BANK1: variants seen among roughly 807,000 people sequenced by gnomAD.
BANK1 encodes B-cell scaffold protein with ankyrin repeats.
BANK1 carries 95 observed loss-of-function variants against 94.5 expected under a neutral mutation model. That is an observed-to-expected ratio of 1.00 (90% CI 0.85 to 1.19). The LOEUF is 1.19. BANK1 is among the 50% of genes most tolerant of loss of function. The pLI is 0.00. For synonymous variants in BANK1, 334 were observed against 308.4 expected (o/e 1.08, Z -0.87); for missense variants, 987 against 932.2 (o/e 1.06, Z -0.77).
At chr4:101,795,326 G>C (rs1725119024) in intron 1 of BANK1, among the ~76,000 whole-genome samples, 1 of 149,706 alleles carries the variant, frequency 6.7e-6, no homozygotes, top group Non-Finnish European at 1.5e-5. Flanking sequence ...ATATTGTTCA[G>C]TATAGTCATA....
chr4:102,022,876 A>C (rs980981142), intron 8 of BANK1, among the ~76,000 whole-genome samples: 12 of 152,150 alleles, frequency 7.9e-5, no homozygotes, highest in African/African-American at 2.2e-4. Flanking sequence ...TGCCTGCCTC[A>C]GGGCATTTGC....
At chr4:101,943,548 C>T (rs1027470634) in intron 7 of BANK1, among the ~76,000 whole-genome samples, 2 of 151,488 alleles carry the variant, frequency 1.3e-5, no homozygotes, top group Non-Finnish European at 2.9e-5. Context: ...TGGTGGGGCT[C>T]CTAACTGGTA....
intron 7 of BANK1, among the ~76,000 whole-genome samples, chr4:101,992,180 C>T (rs767463214): frequency 2.0e-5 from 3 of 152,062 alleles, no homozygotes; most frequent in South Asian, 4.1e-4. Context: ...TCTTACTGAA[C>T]CATGTTGACA....
chr4:101,886,585 A>G (rs1308809891), intron 5 of BANK1, among the ~76,000 whole-genome samples: 2 of 152,240 alleles, frequency 1.3e-5, no homozygotes, highest in Non-Finnish European at 1.5e-5. Context: ...GTTACTAAAA[A>G]GAGGCAAAGG....
At chr4:101,967,785 A>C (rs1724813933) in intron 7 of BANK1, among the ~76,000 whole-genome samples, 1 of 152,044 alleles carries the variant, frequency 6.6e-6, no homozygotes, top group Non-Finnish European at 1.5e-5. Context: ...CAAGTATAAA[A>C]GGTAACATGG....
At chr4:101,793,319 C>T (rs1410235729) in intron 1 of BANK1, among the ~76,000 whole-genome samples, 1 of 152,150 alleles carries the variant, frequency 6.6e-6, no homozygotes, top group Non-Finnish European at 1.5e-5. Flanking sequence ...ACTTGTTCCA[C>T]TAAGGAAATA....
intron 8 of BANK1, among the ~76,000 whole-genome samples, chr4:102,021,890 T>G (rs1435332730): frequency 2.0e-5 from 3 of 152,086 alleles, no homozygotes. Context: ...TTTTAAAGTT[T>G]TTTAAAAACT....
At chr4:101,891,455 T>C (rs1004434028) in intron 5 of BANK1, among the ~76,000 whole-genome samples, 6 of 152,112 alleles carry the variant, frequency 3.9e-5, no homozygotes, top group Non-Finnish European at 8.8e-5. Context: ...TGATTAGTCT[T>C]GGCATGGAAT....
intron 1 of BANK1, among the ~76,000 whole-genome samples, chr4:101,808,489 G>C (rs552206733): frequency 4.6e-5 from 7 of 152,088 alleles, no homozygotes; most frequent in Non-Finnish European, 8.8e-5. Flanking sequence ...TAGAAAAATT[G>C]TGTCTTTAAT....
At chr4:101,953,163 T>C (rs1286538574) in intron 7 of BANK1, among the ~76,000 whole-genome samples, 1 of 152,206 alleles carries the variant, frequency 6.6e-6, no homozygotes, top group African/African-American at 2.4e-5. Context: ...AACTTTGCCA[T>C]GTGCAAGAAC....
intron 7 of BANK1, among the ~76,000 whole-genome samples, chr4:101,962,949 T>C (rs1393288165): frequency 1.3e-5 from 2 of 152,110 alleles, no homozygotes; most frequent in African/African-American, 4.8e-5. Context: ...ATTGTGAGCA[T>C]ACTCTCAAAT....
intron 5 of BANK1, among the ~76,000 whole-genome samples, chr4:101,877,903 A>G (rs1728549213): frequency 6.6e-6 from 1 of 152,178 alleles, no homozygotes; most frequent in African/African-American, 2.4e-5. Context: ...TAAATAAAAT[A>G]GTACTTTCAA....
rs146398053 is a variant in BANK1 at position 102,044,142 on chromosome 4, T to C, written c.1969+235T>C. On this transcript the variant is annotated intron_variant, in intron 11 of 16. Transcript: ENST00000322953. ...GTGTGCTGCACCCACTAACTTGTCA[T>C]CTAGCATTAGGTATATCTCCCGATG... Among the ~76,000 whole-genome samples the C allele has an allele frequency of 7.7e-3, 1,176 of 152,234 alleles. 19 individuals are homozygous for C. The highest frequency in any genetic ancestry group is 0.027 in the African/African-American group (1,135 of 41,532).
chr4:101,927,655 G>A (rs1723209412), intron 7 of BANK1, among the ~76,000 whole-genome samples: 2 of 151,638 alleles, frequency 1.3e-5, no homozygotes, highest in South Asian at 2.1e-4. Context: ...ACTGACTTTG[G>A]TGGTGGAATA....
intron 10 of BANK1, among the ~76,000 whole-genome samples, chr4:102,038,999 C>T (rs1727613512): frequency 6.6e-6 from 1 of 152,152 alleles, no homozygotes; most frequent in South Asian, 2.1e-4. Context: ...CTTCATGCAG[C>T]AGTGTGTTTT....
At chr4:102,056,878 C>T (rs546508383) in intron 11 of BANK1, among the ~76,000 whole-genome samples, 23 of 152,104 alleles carry the variant, frequency 1.5e-4, no homozygotes, top group East Asian at 3.9e-4. Context: ...TGGTGGCGCA[C>T]GCCTGTAATC....
intron 7 of BANK1, among the ~76,000 whole-genome samples, chr4:102,003,652 TC>T (rs1461449761): frequency 6.6e-6 from 1 of 152,072 alleles, no homozygotes; most frequent in African/African-American, 2.4e-5. Context: ...GTCAAGGTGA[TC>T]ACAAAGGTCC....
At chr4:102,053,612 G>A (rs1239897157) in intron 11 of BANK1, among the ~76,000 whole-genome samples, 2 of 151,652 alleles carry the variant, frequency 1.3e-5, no homozygotes, top group Non-Finnish European at 2.9e-5. Flanking sequence ...CATTATGAAA[G>A]TATTAACCAA....
At chr4:101,860,769 T>C (rs1727843648) in intron 3 of BANK1, among the ~76,000 whole-genome samples, 1 of 151,774 alleles carries the variant, frequency 6.6e-6, no homozygotes, top group African/African-American at 2.4e-5. Flanking sequence ...CAGTCATGAG[T>C]TGGGAGTCGG....
Sources: allele counts gnomAD v4.1 joint callset (sites outside exome capture counted in the v4.1 genomes callset), GRCh38; gene constraint gnomAD v4.1.1; transcripts MANE v1.5; gene names NCBI Gene and HGNC (gene_info 2026-07-23, HGNC 2026-07-21).